The following SPMAP2L variants were observed in gnomAD, a reference collection of about 807,000 sequenced individuals.
SPMAP2L encodes the protein sperm microtubule associated protein 2-like.
At chr4:56,559,475 A>G in the SPMAP2L span, 5 of 1,532,664 alleles carry the variant, frequency 3.3e-6, no homozygotes, top group African/African-American at 5.5e-5. Context: ...AGACTTGAGA[A>G]CCTTGCCCAG....
chr4:56,612,300 A>G, the SPMAP2L span, among the ~76,000 whole-genome samples: 1 of 152,206 alleles, frequency 6.6e-6, no homozygotes, highest in Non-Finnish European at 1.5e-5. Flanking sequence ...TGGTATAAAG[A>G]TGGACATGTT....
chr4:56,602,173 C>T, the SPMAP2L span, among the ~76,000 whole-genome samples: 2 of 152,142 alleles, frequency 1.3e-5, no homozygotes, highest in African/African-American at 4.8e-5. Flanking sequence ...CTTAACTTGC[C>T]CGAGCCTCAA....
chr4:56,614,705 C>T, the SPMAP2L span, among the ~76,000 whole-genome samples: 2 of 152,056 alleles, frequency 1.3e-5, no homozygotes, highest in South Asian at 2.1e-4. Flanking sequence ...GAAGATTAAG[C>T]GAGACAATGG....
the SPMAP2L span, among the ~76,000 whole-genome samples, chr4:56,588,295 C>A: frequency 6.6e-6 from 1 of 152,192 alleles, no homozygotes; most frequent in Non-Finnish European, 1.5e-5. Context: ...TGTTCTTTTG[C>A]TGTGCAAAAG....
chr4:56,589,047 G>A, the SPMAP2L span, among the ~76,000 whole-genome samples: 2 of 151,906 alleles, frequency 1.3e-5, no homozygotes, highest in Admixed American at 1.3e-4. Flanking sequence ...GGAGTGCAGT[G>A]GCGCAATCTC....
At chr4:56,568,208 A>G in the SPMAP2L span, among the ~76,000 whole-genome samples, 1 of 152,212 alleles carries the variant, frequency 6.6e-6, no homozygotes, top group Non-Finnish European at 1.5e-5. Flanking sequence ...AAAATACGCA[A>G]TACAGTTACA....
At chr4:56,600,200 C>T in the SPMAP2L span, among the ~76,000 whole-genome samples, 1 of 149,510 alleles carries the variant, frequency 6.7e-6, no homozygotes, top group Non-Finnish European at 1.5e-5. Flanking sequence ...TCACCTCAGC[C>T]TCCCAAAGTG....
At chr4:56,623,572 C>A in the SPMAP2L span, among the ~76,000 whole-genome samples, 1 of 152,348 alleles carries the variant, frequency 6.6e-6, no homozygotes, top group East Asian at 1.9e-4. Flanking sequence ...AACTTGAATT[C>A]TCCCAGAATT....
At chr4:56,580,464 G>A in the SPMAP2L span, among the ~76,000 whole-genome samples, 10 of 152,050 alleles carry the variant, frequency 6.6e-5, no homozygotes, top group African/African-American at 2.4e-4. Flanking sequence ...AGGCATGGAA[G>A]GAAACTTCCT....
the SPMAP2L span, among the ~76,000 whole-genome samples, chr4:56,585,089 C>T: frequency 6.6e-6 from 1 of 152,196 alleles, no homozygotes; most frequent in Admixed American, 6.5e-5. Flanking sequence ...AAGTCCCCAG[C>T]TTCATTGGAA....
the SPMAP2L span, among the ~76,000 whole-genome samples, chr4:56,551,524 A>G: frequency 0.52 from 78,825 of 151,942 alleles, 22,465 homozygotes; most frequent in Middle Eastern, 0.71. Flanking sequence ...AGGGATTCAA[A>G]CTACTCATTT....
At chr4:56,532,998 A>C in the SPMAP2L span, among the ~76,000 whole-genome samples, 1 of 152,164 alleles carries the variant, frequency 6.6e-6, no homozygotes, top group African/African-American at 2.4e-5. Context: ...CTTCAAATCC[A>C]TTGATCCTAT....
At chr4:56,547,208 A>T in the SPMAP2L span, among the ~76,000 whole-genome samples, 4 of 151,774 alleles carry the variant, frequency 2.6e-5, 1 homozygote, top group Admixed American at 2.6e-4. Flanking sequence ...AGTGATGTAC[A>T]TGTATACACT....
the SPMAP2L span, among the ~76,000 whole-genome samples, chr4:56,586,653 T>G: frequency 6.6e-6 from 1 of 152,236 alleles, no homozygotes; most frequent in Non-Finnish European, 1.5e-5. Flanking sequence ...GGTCTCTCCA[T>G]GTGGCTTAGA....
the SPMAP2L span, among the ~76,000 whole-genome samples, chr4:56,562,355 T>A: frequency 2.1e-5 from 3 of 145,124 alleles, no homozygotes; most frequent in African/African-American, 5.0e-5. Flanking sequence ...TTTTGCCCTT[T>A]AAAAAAAAAA....
the SPMAP2L span, among the ~76,000 whole-genome samples, chr4:56,547,341 G>A: frequency 2.0e-5 from 3 of 150,972 alleles, no homozygotes; most frequent in African/African-American, 7.3e-5. Context: ...CGCCTCCCAG[G>A]TTCAAGCAAT....
the SPMAP2L span, among the ~76,000 whole-genome samples, chr4:56,596,302 C>T: frequency 1.3e-5 from 2 of 152,096 alleles, no homozygotes; most frequent in Admixed American, 6.5e-5. Context: ...AAAGCTACAT[C>T]GGAATCCATG....
the SPMAP2L span, among the ~76,000 whole-genome samples, chr4:56,561,449 C>T: frequency 6.6e-6 from 1 of 152,176 alleles, no homozygotes; most frequent in East Asian, 1.9e-4. Flanking sequence ...ATCTGCTCGG[C>T]TTCTGGTGAG....
the SPMAP2L span, among the ~76,000 whole-genome samples, chr4:56,599,411 C>A: frequency 6.6e-6 from 1 of 151,934 alleles, no homozygotes; most frequent in Non-Finnish European, 1.5e-5. Context: ...ACTTTAAGTT[C>A]CAGGATACAT....
Sources: gnomAD v4.1 joint callset for allele counts (sites outside exome capture counted in the v4.1 genomes callset) on GRCh38, gnomAD v4.1.1 for gene constraint, MANE v1.5 for transcripts, NCBI Gene and HGNC (gene_info 2026-07-23, HGNC 2026-07-21) for gene names.